The following IGF2BP3 variants were observed in gnomAD, a reference collection of about 807,000 sequenced individuals.
IGF2BP3 encodes the protein insulin-like growth factor 2 mRNA-binding protein 3.
Under a neutral mutation model 73.8 loss-of-function variants are expected in IGF2BP3, and 9 were observed. The ratio of observed to expected loss-of-function variants is 0.12; its 90% CI spans 0.07 to 0.21. The LOEUF is 0.21. Among genes scored for constraint, IGF2BP3 ranks in the 10% least tolerant of loss-of-function variants. IGF2BP3 has a pLI of 1.00. For missense variants in IGF2BP3, 542 were observed against 714.0 expected (o/e 0.76, Z 2.75); for synonymous variants, 258 against 256.7 (o/e 1.01, Z -0.05).
intron 2 of IGF2BP3, among the ~76,000 whole-genome samples, chr7:23,457,160 G>C (rs530037719): frequency 3.3e-5 from 5 of 151,954 alleles, no homozygotes; most frequent in Admixed American, 1.3e-4. Context: ...AAGAATTTAC[G>C]TTATAAAAAT....
intron 3 of IGF2BP3, among the ~76,000 whole-genome samples, chr7:23,411,811 C>T (rs755704187): frequency 2.0e-5 from 3 of 152,086 alleles, no homozygotes; most frequent in Non-Finnish European, 4.4e-5. Context: ...TCCCCACAAA[C>T]CTCAAGACAG....
chr7:23,455,808 C>T (rs1788304071), intron 2 of IGF2BP3, among the ~76,000 whole-genome samples: 1 of 152,316 alleles, frequency 6.6e-6, no homozygotes, highest in Admixed American at 6.5e-5. Context: ...GCCTCAGCCT[C>T]CTGAGTAACT....
At chr7:23,453,697 CTT>C (rs1342500178) in intron 2 of IGF2BP3, among the ~76,000 whole-genome samples, 1 of 152,212 alleles carries the variant, frequency 6.6e-6, no homozygotes, top group Non-Finnish European at 1.5e-5. Context: ...CCAATTTACT[CTT>C]TAGCTATATG....
chr7:23,351,716 G>A (rs1212147138), intron 5 of IGF2BP3, 130 bp from the exon 6 acceptor site: 20 of 903,534 alleles, frequency 2.2e-5, no homozygotes, highest in African/African-American at 3.3e-5. Context: ...CCCAGCACAA[G>A]CAGCAAACCC....
At chr7:23,412,028 C>A (rs996942790) in intron 3 of IGF2BP3, among the ~76,000 whole-genome samples, 1 of 148,494 alleles carries the variant, frequency 6.7e-6, no homozygotes, top group East Asian at 2.0e-4. Context: ...CGCCTGCCGC[C>A]CAGGAGTACA....
chr7:23,372,618 G>A (rs908080232), intron 3 of IGF2BP3, among the ~76,000 whole-genome samples: 5 of 151,944 alleles, frequency 3.3e-5, no homozygotes, highest in African/African-American at 7.3e-5. Flanking sequence ...AGAATAATAC[G>A]GAACTAGACT....
intron 3 of IGF2BP3, among the ~76,000 whole-genome samples, chr7:23,381,765 T>C (rs1785917100): frequency 6.6e-6 from 1 of 152,002 alleles, no homozygotes; most frequent in Non-Finnish European, 1.5e-5. Flanking sequence ...GATGGGGTTT[T>C]GCCATGTTGG....
At chr7:23,374,329 G>A (rs1479237492) in intron 3 of IGF2BP3, among the ~76,000 whole-genome samples, 1 of 152,024 alleles carries the variant, frequency 6.6e-6, no homozygotes, top group Non-Finnish European at 1.5e-5. Context: ...CCCCTACCTT[G>A]GATACCAAAA....
chr7:23,455,773 C>A (rs1788302141), intron 2 of IGF2BP3, among the ~76,000 whole-genome samples: 1 of 152,206 alleles, frequency 6.6e-6, no homozygotes, highest in Non-Finnish European at 1.5e-5. Context: ...GCAAGCTCCG[C>A]CTCCCGGATT....
chr7:23,382,894 C>A (rs1454591324), intron 3 of IGF2BP3, among the ~76,000 whole-genome samples: 21 of 49,116 alleles, frequency 4.3e-4, no homozygotes, highest in Admixed American at 1.2e-3. Context: ...CTAGCTCTAC[C>A]AAAAAAAAAA....
At chr7:23,467,743 A>C (rs1209442018) in intron 2 of IGF2BP3, 6 of 152,398 alleles carry the variant, frequency 3.9e-5, no homozygotes, top group Non-Finnish European at 7.3e-5. Flanking sequence ...ACAGTCTATA[A>C]ACATTCTGTA....
At chr7:23,343,168 TG>T (rs1375318094) in intron 9 of IGF2BP3, among the ~76,000 whole-genome samples, 1 of 152,230 alleles carries the variant, frequency 6.6e-6, no homozygotes, top group Non-Finnish European at 1.5e-5. Context: ...TTGAAATTCT[TG>T]TATCTCCAAG....
intron 10 of IGF2BP3, among the ~76,000 whole-genome samples, chr7:23,339,239 TTTTA>T (rs1243355025): frequency 2.6e-5 from 4 of 152,242 alleles, no homozygotes; most frequent in Non-Finnish European, 5.9e-5. Context: ...TTGGCTCAAC[TTTTA>T]TTTAAGTAAA....
intron 10 of IGF2BP3, among the ~76,000 whole-genome samples, chr7:23,327,898 C>G (rs1205614700): frequency 6.6e-6 from 1 of 152,186 alleles, no homozygotes; most frequent in Non-Finnish European, 1.5e-5. Context: ...ATACTGATCA[C>G]CAACGGCAGA....
intron 3 of IGF2BP3, among the ~76,000 whole-genome samples, chr7:23,380,433 G>A (rs1785873832): frequency 6.6e-6 from 1 of 152,044 alleles, no homozygotes; most frequent in Non-Finnish European, 1.5e-5. Context: ...AAAGTGCTGG[G>A]GTTACAGGCA....
At chr7:23,350,679 C>G (rs775753224) in intron 6 of IGF2BP3, among the ~76,000 whole-genome samples, 7 of 144,180 alleles carry the variant, frequency 4.9e-5, no homozygotes, top group Admixed American at 2.0e-4. Flanking sequence ...GGGCCCTGGC[C>G]TTGGCCCTGG....
intron 5 of IGF2BP3, among the ~76,000 whole-genome samples, chr7:23,354,238 C>T (rs1195765949): frequency 1.3e-5 from 2 of 152,194 alleles, no homozygotes; most frequent in Admixed American, 6.5e-5. Context: ...GGTGATCCAC[C>T]CACCTCGGCC....
intron 12 of IGF2BP3, among the ~76,000 whole-genome samples, chr7:23,315,353 C>T (rs560406742): frequency 1.3e-5 from 2 of 152,226 alleles, no homozygotes; most frequent in Admixed American, 6.5e-5. Flanking sequence ...AGTGATCTAC[C>T]CACCTAGGCC....
chr7:23,389,409 C>G (rs758600488), intron 3 of IGF2BP3, among the ~76,000 whole-genome samples: 4 of 152,142 alleles, frequency 2.6e-5, no homozygotes, highest in Non-Finnish European at 5.9e-5. Context: ...ATCTGCCCAC[C>G]TCAGCCTCCC....
Sources: allele counts gnomAD v4.1 joint callset (sites outside exome capture counted in the v4.1 genomes callset), GRCh38; gene constraint gnomAD v4.1.1; transcripts MANE v1.5; gene names NCBI Gene and HGNC (gene_info 2026-07-23, HGNC 2026-07-21).